The following RGL1 variants were observed in gnomAD, a reference collection of about 807,000 sequenced individuals.
RGL1 encodes ral guanine nucleotide dissociation stimulator like 1.
Under a neutral mutation model 95.2 loss-of-function variants are expected in RGL1, and 24 were observed. The ratio of observed to expected loss-of-function variants is 0.25; its 90% confidence interval spans 0.18 to 0.35. The LOEUF is 0.35. Ranked by LOEUF, RGL1 falls within the 10% of genes least tolerant of loss-of-function variation. RGL1 has a pLI of 1.00. For synonymous variants in RGL1, 329 were observed against 344.9 expected (o/e 0.95, Z 0.51); for missense variants, 715 against 936.3 (o/e 0.76, Z 3.08).
At chr1:183,714,647 T>G (rs957602006) in intron 1 of RGL1, among the ~76,000 whole-genome samples, 2 of 152,218 alleles carry the variant, frequency 1.3e-5, no homozygotes, top group African/African-American at 4.8e-5. Flanking sequence ...TTAAGACTTA[T>G]GCCCTCTGAC....
At chr1:183,765,545 T>C (rs984811242) in intron 2 of RGL1, among the ~76,000 whole-genome samples, 12 of 152,234 alleles carry the variant, frequency 7.9e-5, no homozygotes, top group Non-Finnish European at 1.8e-4. Context: ...TCAATCCTCC[T>C]GTAGTTCAAT....
chr1:183,855,870 T>C (rs1035886019), intron 3 of RGL1, among the ~76,000 whole-genome samples: 6 of 152,330 alleles, frequency 3.9e-5, no homozygotes, highest in Admixed American at 2.6e-4. Context: ...TTCCATCACT[T>C]ACATAGGAAA....
At chr1:183,697,715 G>T (rs1219219107) in intron 1 of RGL1, among the ~76,000 whole-genome samples, 1 of 152,228 alleles carries the variant, frequency 6.6e-6, no homozygotes, top group East Asian at 1.9e-4. Context: ...GGCCAAATTT[G>T]AATTTTTAGT....
intron 1 of RGL1, among the ~76,000 whole-genome samples, chr1:183,681,579 GTATTT>G (rs1378582814): frequency 6.6e-6 from 1 of 152,184 alleles, no homozygotes. Flanking sequence ...CGGTTTGCCA[GTATTT>G]TATTGAGGAT....
intron 2 of RGL1, among the ~76,000 whole-genome samples, chr1:183,765,284 T>G (rs1197634276): frequency 6.6e-6 from 1 of 152,212 alleles, no homozygotes; most frequent in African/African-American, 2.4e-5. Context: ...TGCCTCCAAT[T>G]GTTTCCAAAT....
At chr1:183,749,603 A>G (rs1202811902) in intron 2 of RGL1, among the ~76,000 whole-genome samples, 3 of 152,164 alleles carry the variant, frequency 2.0e-5, no homozygotes, top group Non-Finnish European at 4.4e-5. Flanking sequence ...TCCTGTCGTC[A>G]TGATGCTAGC....
intron 2 of RGL1, among the ~76,000 whole-genome samples, chr1:183,822,199 T>C (rs961070924): frequency 3.9e-5 from 6 of 152,058 alleles, no homozygotes; most frequent in African/African-American, 1.4e-4. Context: ...TTTCTTTTCT[T>C]AATTAAAAAA....
chr1:183,667,512 G>T (rs992746644), intron 1 of RGL1, among the ~76,000 whole-genome samples: 5 of 151,882 alleles, frequency 3.3e-5, no homozygotes, highest in Non-Finnish European at 7.4e-5. Context: ...TTTTAGTAGA[G>T]ACGGGGTTTC....
At chr1:183,869,468 A>AGACT (rs1666035048) in intron 4 of RGL1, among the ~76,000 whole-genome samples, 1 of 152,202 alleles carries the variant, frequency 6.6e-6, no homozygotes, top group South Asian at 2.1e-4. Flanking sequence ...CCTTTTGCTC[A>AGACT]GACTGAGTTG....
intron 2 of RGL1, among the ~76,000 whole-genome samples, chr1:183,759,940 C>T (rs942056077): frequency 1.5e-4 from 23 of 152,196 alleles, no homozygotes; most frequent in African/African-American, 5.5e-4. Flanking sequence ...CTGTGTGGTA[C>T]TGTAATATCT....
upstream of RGL1, among the ~76,000 whole-genome samples, chr1:183,802,079 A>G (rs192269023): frequency 4.6e-5 from 7 of 152,340 alleles, no homozygotes; most frequent in East Asian, 5.8e-4. Flanking sequence ...TAAGTCTGCA[A>G]TCCATTTTGA....
intron 1 of RGL1, among the ~76,000 whole-genome samples, chr1:183,697,198 A>T (rs1654305276): frequency 6.6e-6 from 1 of 152,024 alleles, no homozygotes; most frequent in South Asian, 2.1e-4. Context: ...CCAAACCCCC[A>T]TGGCTTACTG....
intron 1 of RGL1, among the ~76,000 whole-genome samples, chr1:183,712,512 C>T (rs1029075075): frequency 6.6e-6 from 1 of 152,094 alleles, no homozygotes; most frequent in African/African-American, 2.4e-5. Context: ...TGTGTGTGCA[C>T]GTGTGCACAC....
At chr1:183,834,693 T>G (rs1663513939) in intron 2 of RGL1, among the ~76,000 whole-genome samples, 1 of 152,088 alleles carries the variant, frequency 6.6e-6, no homozygotes, top group Non-Finnish European at 1.5e-5. Context: ...TATTTTGTAT[T>G]TTTTTTATTT....
At chr1:183,686,872 G>A (rs1451282378) in intron 1 of RGL1, among the ~76,000 whole-genome samples, 1 of 152,164 alleles carries the variant, frequency 6.6e-6, no homozygotes, top group Admixed American at 6.5e-5. Flanking sequence ...TGGCAATAAA[G>A]AGAATGCTTG....
intron 1 of RGL1, among the ~76,000 whole-genome samples, chr1:183,641,364 A>C (rs1649910210): frequency 6.6e-6 from 1 of 152,044 alleles, no homozygotes; most frequent in Non-Finnish European, 1.5e-5. Context: ...TGAACTCCTG[A>C]GCACAAGCAA....
At chr1:183,802,609 A>AAC (rs1421604520), upstream of RGL1, among the ~76,000 whole-genome samples, 1 of 151,492 alleles carries the variant, frequency 6.6e-6, no homozygotes, top group Admixed American at 6.6e-5. Flanking sequence ...GCAAAAAAAA[A>AAC]AAAAAAAAAA....
In RGL1 at chr1:183,825,957, G is replaced by A. The variant is rs1430383241; in HGVS notation, c.138+19472G>A. 2.0e-5 allele frequency among the ~76,000 whole-genome samples: 3 copies of A among 152,222 alleles called. No individual in the cohort carries two copies. In the South Asian group the frequency reaches 6.2e-4, roughly 32 times the overall value. On this transcript the variant is annotated intron_variant, in intron 2 of 17. Transcript: ENST00000360851. The stretch of plus-strand genomic sequence containing the variant: ...GTGGGAGGATTGCTTGAGCCCAGGA[G>A]TATGAGACCAGCCTGGGCAAAATAC...
intron 1 of RGL1, among the ~76,000 whole-genome samples, chr1:183,664,585 T>G (rs1651901985): frequency 6.6e-6 from 1 of 152,044 alleles, no homozygotes; most frequent in African/African-American, 2.4e-5. Flanking sequence ...TTTTTTTTTT[T>G]TTAATGCCAT....
Sources: gnomAD v4.1 joint callset for allele counts (sites outside exome capture counted in the v4.1 genomes callset) on GRCh38, gnomAD v4.1.1 for gene constraint, MANE v1.5 for transcripts, NCBI Gene and HGNC (gene_info 2026-07-23, HGNC 2026-07-21) for gene names.